The following SLC13A5 variants were observed in gnomAD, a reference collection of about 807,000 sequenced individuals.
The protein encoded by SLC13A5 is Na(+)/citrate cotransporter.
Under a neutral mutation model 56.5 loss-of-function variants are expected in SLC13A5, and 25 were observed. That is an observed-to-expected ratio of 0.44 (90% confidence interval 0.32 to 0.62). The LOEUF is 0.62. SLC13A5 is among the 20% of genes least tolerant of loss of function. The pLI, the probability that SLC13A5 is intolerant of heterozygous loss-of-function variation, is 0.04. For synonymous variants in SLC13A5, 307 were observed against 301.5 expected, an observed-to-expected ratio of 1.02 and a Z score of -0.19; for missense variants, 649 against 737.8, an observed-to-expected ratio of 0.88 and a Z score of 1.39.
At chr17:6,693,728 G>A (rs945428280) in intron 8 of SLC13A5, among the ~76,000 whole-genome samples, 10 of 152,070 alleles carry the variant, frequency 6.6e-5, no homozygotes, top group African/African-American at 2.4e-4. Context: ...CAAACAAATA[G>A]GATTCAAACT....
intron 1 of SLC13A5, among the ~76,000 whole-genome samples, 166 bp from the exon 2 acceptor site, chr17:6,707,322 G>A (rs914320397): frequency 6.6e-6 from 1 of 152,124 alleles, no homozygotes; most frequent in African/African-American, 2.4e-5. Flanking sequence ...CAGCTTTCCC[G>A]GGTCAGGCCA....
Position 6,687,518 on chromosome 17 carries a change from AGCTGT to A in SLC13A5, c.1575+6_1575+10del. 1.2e-6 allele frequency: 2 copies of A among 1,613,654 alleles called. No homozygotes were observed. The highest frequency in any genetic ancestry group is 2.2e-5 in the South Asian group (2 of 90,888). Reference sequence around the variant, plus strand: ...TAGTCCGACGGGAGTAAATAAAAACAGCTGTGTTACCATGTCAGCAACCTTGAGGT... The same window carrying A: ...TAGTCCGACGGGAGTAAATAAAAACAGTTACCATGTCAGCAACCTTGAGGT... On this transcript the variant is annotated splice_donor_region_variant and intron_variant, in intron 11 of 11. Transcript: ENST00000433363. The surrounding 1 kb of genome is among the most constrained non-coding windows in gnomAD (Gnocchi z 5.0).
At position 6,699,499 on chromosome 17, in the gene SLC13A5, C is replaced by T. The variant is rs1973653671; in HGVS notation, c.839+1505G>A. Among the ~76,000 whole-genome samples, 8 of 152,056 alleles carry T rather than the reference C, an allele frequency of 5.3e-5. No individual in the cohort carries two copies. In the South Asian group the frequency reaches 1.7e-3, roughly 31 times the overall value. On this transcript the variant is annotated intron_variant, in intron 6 of 11. Coordinates refer to ENST00000433363, the MANE Select transcript of SLC13A5 (RefSeq NM_177550.5). ...TTTTTTTTTTGTTTTGAGACAGAGTCTTGCTCTGTCGCCCAGGCTGGAGTG... is the reference window on the plus strand; with the variant it reads ...TTTTTTTTTTGTTTTGAGACAGAGTTTTGCTCTGTCGCCCAGGCTGGAGTG...
chr17:6,712,400 G>A (rs2151504735), intron 1 of SLC13A5, among the ~76,000 whole-genome samples: 2 of 152,376 alleles, frequency 1.3e-5, no homozygotes, highest in African/African-American at 4.8e-5. Flanking sequence ...GCTGTGCACA[G>A]CCCAGTGGAG....
At chr17:6,712,526 G>A (rs961358296) in intron 1 of SLC13A5, among the ~76,000 whole-genome samples, 17 of 152,346 alleles carry the variant, frequency 1.1e-4, no homozygotes, top group Admixed American at 7.2e-4. Context: ...CACCCAAGGC[G>A]CGAGCTCTGG....
At position 6,701,991 on chromosome 17, in the gene SLC13A5, C is replaced by T. The variant is rs1447001421; in HGVS notation, c.717-865G>A. ...CAGGCGCAGAGCTTTCCCCACTCAGCCCAGACGGGCTGCTCTTCCCAAAGA... is the reference window on the plus strand; with the variant it reads ...CAGGCGCAGAGCTTTCCCCACTCAGTCCAGACGGGCTGCTCTTCCCAAAGA... On this transcript the variant is annotated intron_variant, in intron 5 of 11. Coordinates refer to ENST00000433363, the MANE Select transcript of SLC13A5 (RefSeq NM_177550.5). This position sits in a 1 kb window ranked among gnomAD's most constrained non-coding sequence, Gnocchi z 4.1. Among the ~76,000 whole-genome samples the T allele has an allele frequency of 6.6e-6, 1 of 152,184 alleles. No homozygotes were observed. Among genetic ancestry groups the T allele is most frequent in the Non-Finnish European group, 1.5e-5 (1 of 68,042 alleles).
At chr17:6,697,114 T>C (rs1277210315) in intron 6 of SLC13A5, among the ~76,000 whole-genome samples, 1 of 152,170 alleles carries the variant, frequency 6.6e-6, no homozygotes, top group Non-Finnish European at 1.5e-5. Flanking sequence ...GGACACTCTC[T>C]AGACATCCGG....
chr17:6,700,702 C>T (rs745725357), intron 6 of SLC13A5, among the ~76,000 whole-genome samples: 1 of 152,126 alleles, frequency 6.6e-6, no homozygotes, highest in Admixed American at 6.5e-5. Flanking sequence ...GCCCAGGGGC[C>T]GCTCAGAGAT....
chr17:6,687,753 C>T lies in SLC13A5; in HGVS notation c.1438-87G>A, dbSNP rs751083583. ...TCTGAAAAGGATTCTCTGAATGTGC[C>T]GGGTACGTTTGAACCTCTGTGCCTC... On this transcript the variant is annotated intron_variant, in intron 10 of 11. Coordinates refer to ENST00000433363, the MANE Select transcript of SLC13A5 (RefSeq NM_177550.5). The surrounding 1 kb of genome is among the most constrained non-coding windows in gnomAD (Gnocchi z 5.0). 35 of 1,452,882 alleles carry T rather than the reference C, an allele frequency of 2.4e-5. No homozygotes were observed. The Admixed American group carries it at 3.1e-4, about 13-fold the overall frequency. The allele number at this position is 1,452,882 out of a possible 1,614,324, so 90.0% of individuals were successfully genotyped here.
intron 2 of SLC13A5, 40 bp from the exon 3 acceptor site, chr17:6,706,818 G>A (rs745501117): frequency 6.2e-7 from 1 of 1,609,800 alleles, no homozygotes; most frequent in Non-Finnish European, 8.5e-7. Flanking sequence ...ACTGTCCCTT[G>A]CCACACACTA....
In SLC13A5 at chr17:6,707,082, G is replaced by C; in HGVS notation, c.177C>G (p.Thr59=). 1 of 1,614,142 alleles carries C rather than the reference G, an allele frequency of 6.2e-7. No individual in the cohort carries two copies. Among genetic ancestry groups the C allele is most frequent in the South Asian group, 1.1e-5 (1 of 91,086 alleles). Residue 59 remains threonine (T), a synonymous_variant, in exon 2 of 12, where the codon ACC becomes ACG. Coordinates refer to ENST00000433363, the MANE Select transcript of SLC13A5 (RefSeq NM_177550.5). The part of the protein sequence containing the change: ...WCTEVIPLAV[T]SLMPVLLFPL... ...GGAAAAGCAAGACAGGCATGAGAGA[G>C]GTGACAGCCAGAGGGATGACTTCTG...
rs556819708 is a variant in SLC13A5 at position 6,712,862 on chromosome 17, G to GTA, written c.102+369_102+370insTA. 1.3e-4 allele frequency among the ~76,000 whole-genome samples: 20 copies of GTA among 152,364 alleles called. No homozygotes were observed. The South Asian group carries it at 4.1e-3, about 32-fold the overall frequency. On this transcript the variant is annotated intron_variant, in intron 1 of 11. Transcript: ENST00000433363. Reference sequence around the variant, plus strand: ...GCTCCCAGGTTCCCTGTTGGCGCAGGTGGCATTTTGGGGGGAAACAGGGTT... The same window carrying GTA: ...GCTCCCAGGTTCCCTGTTGGCGCAGGTATGGCATTTTGGGGGGAAACAGGGTT...
rs1214728763 is a variant in SLC13A5 at position 6,686,079 on chromosome 17, T to G, written c.*128A>C. 1.2e-4 allele frequency: 156 copies of G among 1,349,058 alleles called. No individual in the cohort carries two copies. Among genetic ancestry groups the G allele is most frequent in the Admixed American group, 3.9e-5 (2 of 50,786 alleles). The allele number at this position is 1,349,058 out of a possible 1,614,324, so 83.6% of individuals were successfully genotyped here. On this transcript the variant is annotated 3_prime_UTR_variant, in exon 12 of 12. Transcript: ENST00000433363. ...AGGAAGAGGTGGCCCATTGGCTGGGTTTTGGTGGTGTGTGGACATCGTTGG... is the reference window on the plus strand; with the variant it reads ...AGGAAGAGGTGGCCCATTGGCTGGGGTTTGGTGGTGTGTGGACATCGTTGG...
intron 11 of SLC13A5, 66 bp from the exon 12 acceptor site, chr17:6,686,404 A>G: frequency 6.2e-7 from 1 of 1,604,650 alleles, no homozygotes; most frequent in Non-Finnish European, 8.5e-7. Flanking sequence ...AGAGGAGGAC[A>G]AAGGGTCGGC....
At chr17:6,704,142 C>G in intron 3 of SLC13A5, 86 bp from the exon 4 acceptor site, 1 of 1,445,276 alleles carries the variant, frequency 6.9e-7, no homozygotes. Context: ...CTGGGTCCAC[C>G]CCTGCAGGGA....
Position 6,692,278 on chromosome 17 carries a change from C to T in SLC13A5, c.1275+766G>A, listed in dbSNP as rs768964660. Among the ~76,000 whole-genome samples, 333 of 123,954 alleles carry T rather than the reference C, an allele frequency of 2.7e-3. 2 individuals are homozygous for T. The highest frequency in any genetic ancestry group is 9.5e-3 in the African/African-American group (276 of 28,988). The allele number at this position is 123,954 out of a possible 152,430, so 81.3% of individuals were successfully genotyped here. A position where few individuals can be genotyped will look rare whatever the true frequency, so the allele number is the denominator to read the frequency against. On this transcript the variant is annotated intron_variant, in intron 9 of 11. Transcript: ENST00000433363. This position sits in a 1 kb window ranked among gnomAD's most constrained non-coding sequence, Gnocchi z 5.5. ...ATGGATGGATGGATGGATGGATGGACGGATGGACGGACGGATGGATGGATG... is the reference window on the plus strand; with the variant it reads ...ATGGATGGATGGATGGATGGATGGATGGATGGACGGACGGATGGATGGATG...
chr17:6,686,140 A>T lies in SLC13A5; in HGVS notation c.*67T>A. 1 of 1,605,866 alleles carries T rather than the reference A, an allele frequency of 6.2e-7. No homozygotes were observed. Among genetic ancestry groups the T allele is most frequent in the South Asian group, 1.1e-5 (1 of 90,444 alleles). On this transcript the variant is annotated 3_prime_UTR_variant, in exon 12 of 12. Coordinates refer to ENST00000433363, the MANE Select transcript of SLC13A5 (RefSeq NM_177550.5). ...GGTGTGAACCCCAAAACTCTGTACA[A>T]GGTGTGCCAGAAGGTTCGGTAGTCC... is the stretch of plus-strand genomic sequence containing the variant.
At chr17:6,693,323 A>G (rs1973468102) in intron 8 of SLC13A5, 161 bp from the exon 9 acceptor site, 2 of 579,674 alleles carry the variant, frequency 3.5e-6, no homozygotes, top group Non-Finnish European at 6.0e-6. Flanking sequence ...TAAATTAGCT[A>G]AAGTTTACAA....
At chr17:6,693,368 C>A in intron 8 of SLC13A5, 4 of 483,538 alleles carry the variant, frequency 8.3e-6, no homozygotes, top group Non-Finnish European at 1.4e-5. Context: ...TATGATCAAA[C>A]TATTACACAC....
Sources: gnomAD v4.1 joint callset for allele counts (sites outside exome capture counted in the v4.1 genomes callset) on GRCh38, gnomAD v4.1.1 for gene constraint, Gnocchi (gnomAD v3.1) non-coding constraint, MANE v1.5 for transcripts, NCBI Gene and HGNC (gene_info 2026-07-23, HGNC 2026-07-21) for gene names.